Variants in SPSB2 observed in about 807,000 individuals in gnomAD.
SPSB2 encodes splA/ryanodine receptor domain and SOCS box containing 2, also known as SPRY domain-containing SOCS box protein 2.
In SPSB2, 25 loss-of-function variants were observed where a neutral mutation model predicts 19.2. The observed-to-expected ratio is 1.30, with a 90% CI of 0.95 to 1.82. The LOEUF is 1.82. Among genes scored for constraint, SPSB2 ranks in the 40% most tolerant of loss-of-function variants. The pLI is 0.00. For missense variants in SPSB2, 413 were observed against 344.9 expected (o/e 1.20, Z -1.56); for synonymous variants, 153 against 154.9 (o/e 0.99, Z 0.09).
chr12:6,872,303 T>TAG lies in SPSB2; in HGVS notation c.597_598dup (p.Tyr200SerfsTer5). On this transcript the variant is annotated frameshift_variant, in exon 2 of 3. Coordinates refer to ENST00000524270, the MANE Select transcript of SPSB2 (RefSeq NM_032641.4). LOFTEE classifies it high-confidence loss of function. The stretch of plus-strand genomic sequence containing the variant: ...GCCCCAGACAGCGCTTACTGCCGGA[T>TAG]AGAGGGTCCTGCCCTTCAGTCCGCG... 7.4e-6 allele frequency: 12 copies of TAG among 1,614,178 alleles called. No homozygotes were observed. Among genetic ancestry groups the TAG allele is most frequent in the Non-Finnish European group, 9.3e-6 (11 of 1,180,020 alleles).
chr12:6,872,079 A>G lies in SPSB2; in HGVS notation c.664+159T>C, dbSNP rs374764048. On this transcript the variant is annotated intron_variant, in intron 2 of 2. Coordinates refer to ENST00000524270, the MANE Select transcript of SPSB2 (RefSeq NM_032641.4). ...CTCTATTGCTGTTGGGTTAAATTAAATAACAGCTGTGAAGACCCCTAGCCT... is the reference window on the plus strand; with the variant it reads ...CTCTATTGCTGTTGGGTTAAATTAAGTAACAGCTGTGAAGACCCCTAGCCT... The G allele has an allele frequency of 1.0e-4, 160 of 1,576,476 alleles. 2 individuals carry two copies. In the South Asian group the frequency reaches 1.7e-3, roughly 17 times the overall value.
chr12:6,871,139 C>A lies in SPSB2; in HGVS notation c.*53G>T. On this transcript the variant is annotated 3_prime_UTR_variant, in exon 3 of 3. Transcript: ENST00000524270. ...AGGCCAGCAGTGCCTCCCCACCTCC[C>A]CAAGGGGAGGGGTGGTGGCAAGACC... 2.6e-6 allele frequency: 4 copies of A among 1,555,120 alleles called. No individual in the cohort carries two copies. Among genetic ancestry groups the A allele is most frequent in the Non-Finnish European group, 3.5e-6 (4 of 1,149,594 alleles).
chr12:6,872,700 G>C lies in SPSB2; in HGVS notation c.202C>G (p.Arg68Gly). ...EVKEGGLYFE[R>G]RPVAQSTDGA... is the part of the protein sequence containing the mutation. ...TCAGTGCTCTGGGCCACGGGCCGCCGCTCAAAGTACAACCCTCCTTCCTTG... is the reference window on the plus strand; with the variant it reads ...TCAGTGCTCTGGGCCACGGGCCGCCCCTCAAAGTACAACCCTCCTTCCTTG... Residue 68 changes from arginine (R) to glycine (G), a missense_variant, in exon 2 of 3, where the codon CGG becomes GGG. Physicochemically the swap from Arg to Gly is moderately radical, Grantham distance 125. Coordinates refer to ENST00000524270, the MANE Select transcript of SPSB2 (RefSeq NM_032641.4). The C allele has an allele frequency of 1.2e-6, 2 of 1,612,738 alleles. No homozygotes were observed. The highest frequency in any genetic ancestry group is 2.2e-5 in the East Asian group (1 of 44,886).
rs1383187979 is a variant in SPSB2, at chr12:6,872,547, GGTCA to G, written c.351_354del (p.Asp118ThrfsTer76). On this transcript the variant is annotated frameshift_variant, in exon 2 of 3. Coordinates refer to ENST00000524270, the MANE Select transcript of SPSB2 (RefSeq NM_032641.4). LOFTEE classifies it high-confidence loss of function. ...TTGCTGCCCAGCAGCGCCGCGTAGTGGTCAGTCTGCAGCGGGGCGAGGGCCGTGG... is the reference window on the plus strand; with the variant it reads ...TTGCTGCCCAGCAGCGCCGCGTAGTGGTCTGCAGCGGGGCGAGGGCCGTGG... 3 of 1,610,806 alleles carry G rather than the reference GGTCA, an allele frequency of 1.9e-6. No individual in the cohort carries two copies. The highest frequency in any genetic ancestry group is 2.5e-6 in the Non-Finnish European group (3 of 1,179,730).
chr12:6,872,143 A>G (rs1555133636), intron 2 of SPSB2, 95 bp downstream of exon 2: 1 of 1,613,072 alleles, frequency 6.2e-7, no homozygotes, highest in Non-Finnish European at 8.5e-7. Context: ...GGCTGGATGA[A>G]GGTCCATCCC....
rs1012900627 is a variant in SPSB2 at position 6,872,722 on chromosome 12, C to T, written c.180G>A (p.Lys60=). ...GCCGCTCAAAGTACAACCCTCCTTC[C>T]TTGACCTCGATGTTCTCTGAACAGT... ...PKDCSENIEV[K]EGGLYFERRP... is the part of the protein sequence containing the mutation. Residue 60 remains lysine, a synonymous_variant, in exon 2 of 3, where the codon AAG becomes AAA. Coordinates refer to ENST00000524270, the MANE Select transcript of SPSB2 (RefSeq NM_032641.4). 5.6e-6 allele frequency: 9 copies of T among 1,612,842 alleles called. No individual in the cohort carries two copies. The highest frequency in any genetic ancestry group is 7.6e-6 in the Non-Finnish European group (9 of 1,180,054).
chr12:6,871,106 G>C lies in SPSB2; in HGVS notation c.*86C>G. ...GGCTCAGCCTCACCAGCTTTCAGCA[G>C]CTGGTCTAGGCCAGCAGTGCCTCCC... On this transcript the variant is annotated 3_prime_UTR_variant, in exon 3 of 3. Transcript: ENST00000524270. 1 of 1,513,684 alleles carries C rather than the reference G, an allele frequency of 6.6e-7. No individual in the cohort carries two copies. Among genetic ancestry groups the C allele is most frequent in the South Asian group, 1.2e-5 (1 of 83,146 alleles). 93.8% of individuals were successfully genotyped at this position (1,513,684 alleles called of 1,614,324 possible).
chr12:6,872,251 C>A lies in SPSB2; in HGVS notation c.651G>T (p.Leu217=). The change falls in exon 2 of 3, where the codon CTG becomes CTT. Residue 217 remains leucine (L), a synonymous_variant. Transcript: ENST00000524270. The part of the protein sequence containing the change: ...WGQCQVRIRY[L]GERRAEPHSL... ...CCCAGGCCTCACCTCTCCTTTCGCC[C>A]AGGTAGCGGATGCGGACCTGGCACT... The A allele has an allele frequency of 6.2e-7, 1 of 1,614,156 alleles. No individual in the cohort carries two copies. The highest frequency in any genetic ancestry group is 1.6e-4 in the Middle Eastern group (1 of 6,062).
Position 6,872,233 on chromosome 12 carries a change from C to G in SPSB2, c.664+5G>C. ...AGTTCTCCCCACGTCTGCCCCAGGC[C>G]TCACCTCTCCTTTCGCCCAGGTAGC... is the stretch of plus-strand genomic sequence containing the variant. On this transcript the variant is annotated splice_donor_5th_base_variant and intron_variant, in intron 2 of 2. Transcript: ENST00000524270. 8.7e-6 allele frequency: 14 copies of G among 1,614,126 alleles called. No homozygotes were observed. The highest frequency in any genetic ancestry group is 1.2e-5 in the Non-Finnish European group (14 of 1,180,030).
Position 6,872,925 on chromosome 12 carries a change from C to G in SPSB2, c.-24G>C. 1 of 1,494,272 alleles carries G rather than the reference C, an allele frequency of 6.7e-7. No individual in the cohort carries two copies. Among genetic ancestry groups the G allele is most frequent in the Non-Finnish European group, 9.0e-7 (1 of 1,109,818 alleles). The allele number at this position is 1,494,272 out of a possible 1,614,324, so 92.6% of individuals were successfully genotyped here. ...ATGGAGGTGAGGAGCTAGAGGACTCCCCGAAAGAGGCTTGCTGGGGCGTCT... is the reference window on the plus strand; with the variant it reads ...ATGGAGGTGAGGAGCTAGAGGACTCGCCGAAAGAGGCTTGCTGGGGCGTCT... On this transcript the variant is annotated 5_prime_UTR_variant, in exon 2 of 3. Transcript: ENST00000524270.
At position 6,872,681 on chromosome 12, in the gene SPSB2, C is replaced by T. The variant is rs1555134067; in HGVS notation, c.221G>A (p.Ser74Asn). Residue 74 changes from serine to asparagine, a missense_variant, in exon 2 of 3, where the codon AGC becomes AAC. Ser to Asn is a conservative substitution (Grantham distance 46). Transcript: ENST00000524270. ...CCTCTTACCCCGGGCCCCATCAGTG[C>T]TCTGGGCCACGGGCCGCCGCTCAAA... is the stretch of plus-strand genomic sequence containing the variant. ...LYFERRPVAQ[S>N]TDGARGKRGY... 1 of 1,612,654 alleles carries T rather than the reference C, an allele frequency of 6.2e-7. No homozygotes were observed. The highest frequency in any genetic ancestry group is 1.7e-5 in the Admixed American group (1 of 60,034).
rs782091843 is a variant in SPSB2, at chr12:6,872,953, C to T, written c.-52G>A. On this transcript the variant is annotated 5_prime_UTR_variant, in exon 2 of 3. Transcript: ENST00000524270. ...GAAAGAGGCTTGCTGGGGCGTCTTT[C>T]TCTTCTGAAAGTTGAGCTCCAGTTT... 1 of 1,329,228 alleles carries T rather than the reference C, an allele frequency of 7.5e-7. No individual in the cohort carries two copies. Among genetic ancestry groups the T allele is most frequent in the Non-Finnish European group, 1.0e-6 (1 of 971,876 alleles). The allele number at this position is 1,329,228 out of a possible 1,614,324, so 82.3% of individuals were successfully genotyped here.
chr12:6,872,127 G>C, intron 2 of SPSB2, 111 bp downstream of exon 2: 1 of 1,612,900 alleles, frequency 6.2e-7, no homozygotes, highest in South Asian at 1.1e-5. Context: ...AACAGAGGTT[G>C]AGGCAGGCTG....
chr12:6,871,495 TC>T, intron 2 of SPSB2, 176 bp from the exon 3 acceptor site: 2 of 692,014 alleles, frequency 2.9e-6, no homozygotes, highest in Non-Finnish European at 4.8e-6. Flanking sequence ...ATTTCACACA[TC>T]CCTAGTCAGA....
intron 2 of SPSB2, 143 bp from the exon 3 acceptor site, chr12:6,871,462 G>A (rs782199099): frequency 3.0e-5 from 27 of 886,834 alleles, no homozygotes; most frequent in African/African-American, 1.2e-4. Flanking sequence ...TGAGATACCC[G>A]GAAGTTCTGC....
rs1339873079 is a variant in SPSB2 at position 6,871,181 on chromosome 12, T to C, written c.*11A>G. The C allele has an allele frequency of 3.8e-6, 6 of 1,587,900 alleles. No homozygotes were observed. Among genetic ancestry groups the C allele is most frequent in the East Asian group, 2.3e-5 (1 of 43,528 alleles). On this transcript the variant is annotated 3_prime_UTR_variant, in exon 3 of 3. Coordinates refer to ENST00000524270, the MANE Select transcript of SPSB2 (RefSeq NM_032641.4). ...GGCAAGACCTCAGCACAGTCTGTGGTATCACAGGGCTCACTGGTAGAGCAG... is the reference window on the plus strand; with the variant it reads ...GGCAAGACCTCAGCACAGTCTGTGGCATCACAGGGCTCACTGGTAGAGCAG...
chr12:6,872,656 C>T lies in SPSB2; in HGVS notation c.246G>A (p.Arg82=), dbSNP rs1167403276. The part of the protein sequence containing the change: ...AQSTDGARGK[R]GYSRGLHAWE... ...AGGCGTGCAGGCCCCTTGAATAGCC[C>T]CTCTTACCCCGGGCCCCATCAGTGC... is the stretch of plus-strand genomic sequence containing the variant. Residue 82 remains arginine, a synonymous_variant, in exon 2 of 3, where the codon AGG becomes AGA. Transcript: ENST00000524270. 1.9e-6 allele frequency: 3 copies of T among 1,612,098 alleles called. No homozygotes were observed. Among genetic ancestry groups the T allele is most frequent in the Non-Finnish European group, 2.5e-6 (3 of 1,179,986 alleles).
chr12:6,872,908 G>A lies in SPSB2; in HGVS notation c.-7C>T, dbSNP rs376409580. On this transcript the variant is annotated 5_prime_UTR_variant, in exon 2 of 3. Transcript: ENST00000524270. ...CCAGAGCTGTCTGGCCCATGGAGGT[G>A]AGGAGCTAGAGGACTCCCCGAAAGA... The A allele has an allele frequency of 2.0e-5, 31 of 1,534,372 alleles. No homozygotes were observed. In the African/African-American group the frequency reaches 4.0e-4, roughly 20 times the overall value.
rs1420291408 is a variant in SPSB2 at position 6,870,997 on chromosome 12, T to C, written c.*195A>G. On this transcript the variant is annotated 3_prime_UTR_variant, in exon 3 of 3. Coordinates refer to ENST00000524270, the MANE Select transcript of SPSB2 (RefSeq NM_032641.4). ...AAATGTTTTGCGTAGCAGACTGTCA[T>C]AGCCTTGAACGCCGGCTCCCTTTCT... The C allele has an allele frequency of 7.2e-6, 5 of 698,690 alleles. No homozygotes were observed. Among genetic ancestry groups the C allele is most frequent in the African/African-American group, 7.1e-5 (4 of 56,146 alleles). 43.3% of individuals were successfully genotyped at this position (698,690 alleles called of 1,614,324 possible).
Sources: allele counts gnomAD v4.1 joint callset, GRCh38; gene constraint gnomAD v4.1.1; transcripts MANE v1.5; gene names NCBI Gene and HGNC (gene_info 2026-07-23, HGNC 2026-07-21).